Variants in LRP1B observed in about 807,000 individuals in gnomAD.
LRP1B encodes low-density lipoprotein receptor-related protein 1B.
LRP1B carries 217 observed loss-of-function variants against 556.6 expected under a neutral mutation model. The observed-to-expected ratio is 0.39, with a 90% CI of 0.35 to 0.44. LRP1B has a LOEUF of 0.44. LRP1B is among the 20% of genes least tolerant of loss of function. LRP1B has a pLI of 1.00. For missense variants in LRP1B, 5,053 were observed against 5,620.8 expected (o/e 0.90, Z 3.23); for synonymous variants, 2,047 against 1,865.8 (o/e 1.10, Z -2.50).
At chr2:141,542,550 T>C (rs1169549687) in intron 2 of LRP1B, among the ~76,000 whole-genome samples, 2 of 152,066 alleles carry the variant, frequency 1.3e-5, no homozygotes, top group African/African-American at 4.8e-5. Context: ...ACTTCTGATA[T>C]AGAAGGTTGT....
chr2:141,610,686 A>G (rs1290092921), intron 2 of LRP1B, among the ~76,000 whole-genome samples: 1 of 152,172 alleles, frequency 6.6e-6, no homozygotes, highest in Non-Finnish European at 1.5e-5. Context: ...GGAATTCCAC[A>G]AAGTCAGGCA....
At chr2:141,712,620 T>G (rs1263136628) in intron 2 of LRP1B, among the ~76,000 whole-genome samples, 1 of 152,066 alleles carries the variant, frequency 6.6e-6, no homozygotes, top group Non-Finnish European at 1.5e-5. Flanking sequence ...CAGAGTTGTT[T>G]TCACATACTG....
At chr2:142,081,868 T>G (rs2104932340) in intron 1 of LRP1B, among the ~76,000 whole-genome samples, 1 of 152,282 alleles carries the variant, frequency 6.6e-6, no homozygotes, top group East Asian at 1.9e-4. Context: ...TATAACTATT[T>G]TGTGAGTTGG....
chr2:140,715,780 C>A (rs1459634140), intron 37 of LRP1B, among the ~76,000 whole-genome samples, 193 bp downstream of exon 37: 1 of 152,032 alleles, frequency 6.6e-6, no homozygotes, highest in Non-Finnish European at 1.5e-5. Flanking sequence ...TAAAATAAAT[C>A]TGTAATAAAT....
chr2:140,399,246 C>T (rs528144034), intron 66 of LRP1B, among the ~76,000 whole-genome samples: 1 of 151,576 alleles, frequency 6.6e-6, no homozygotes, highest in Non-Finnish European at 1.5e-5. Flanking sequence ...TAAATTTTCT[C>T]ATTAAAATAC....
intron 2 of LRP1B, among the ~76,000 whole-genome samples, chr2:141,557,608 T>C (rs962252417): frequency 6.6e-6 from 1 of 151,904 alleles, no homozygotes; most frequent in African/African-American, 2.4e-5. Flanking sequence ...CATTCATTCA[T>C]GGGCTGGAAC....
At chr2:140,657,602 T>C (rs1031604848) in intron 41 of LRP1B, among the ~76,000 whole-genome samples, 3 of 139,518 alleles carry the variant, frequency 2.2e-5, no homozygotes, top group Middle Eastern at 3.6e-3. Context: ...TACATATATA[T>C]ACATATATAT....
chr2:141,571,095 C>G (rs1686511681), intron 2 of LRP1B, among the ~76,000 whole-genome samples: 1 of 151,262 alleles, frequency 6.6e-6, no homozygotes, highest in Admixed American at 6.6e-5. Flanking sequence ...CTGTGCCACC[C>G]AACTGGGTGA....
At chr2:140,552,226 T>C (rs13004298) in intron 43 of LRP1B, among the ~76,000 whole-genome samples, 66,749 of 151,934 alleles carry the variant, frequency 0.44, 15,414 homozygotes, top group East Asian at 0.58. Flanking sequence ...ACTAATGAAA[T>C]AGACCATCAA....
chr2:140,527,545 G>GATGATTAGA (rs1335321163), intron 47 of LRP1B, among the ~76,000 whole-genome samples: 6 of 151,822 alleles, frequency 4.0e-5, no homozygotes, highest in African/African-American at 1.4e-4. Context: ...CTGTTTAAAT[G>GATGATTAGA]ATGATTAGAA....
intron 20 of LRP1B, among the ~76,000 whole-genome samples, chr2:140,929,634 C>T (rs567048032): frequency 5.7e-4 from 86 of 151,964 alleles, no homozygotes; most frequent in African/African-American, 2.0e-3. Context: ...GATCACTTTG[C>T]GACTATTTAA....
At chr2:140,272,612 TG>T (rs1682512483) in intron 85 of LRP1B, among the ~76,000 whole-genome samples, 1 of 151,942 alleles carries the variant, frequency 6.6e-6, no homozygotes, top group African/African-American at 2.4e-5. Flanking sequence ...TAAGTAAAAA[TG>T]ATTAACTTTA....
intron 27 of LRP1B, among the ~76,000 whole-genome samples, chr2:140,862,342 A>C (rs1003966686): frequency 1.3e-5 from 2 of 152,218 alleles, no homozygotes; most frequent in African/African-American, 4.8e-5. Flanking sequence ...GTGTCCAGAA[A>C]TTAAGTTTTA....
chr2:141,387,509 G>T (rs964344319), intron 3 of LRP1B, among the ~76,000 whole-genome samples: 2 of 152,104 alleles, frequency 1.3e-5, no homozygotes, highest in Admixed American at 6.5e-5. Context: ...AGAAATAAGA[G>T]TATTATAAGA....
At chr2:141,969,064 T>C (rs909281410) in intron 1 of LRP1B, among the ~76,000 whole-genome samples, 2 of 151,490 alleles carry the variant, frequency 1.3e-5, no homozygotes, top group African/African-American at 4.8e-5. Flanking sequence ...ATCCCTATCC[T>C]GGCTTGGCAA....
intron 49 of LRP1B, among the ~76,000 whole-genome samples, chr2:140,520,809 A>AAG (rs1330999224): frequency 6.7e-6 from 1 of 149,902 alleles, no homozygotes; most frequent in African/African-American, 2.4e-5. Context: ...AAAAAAAAAA[A>AAG]AAAAAGAAAA....
intron 35 of LRP1B, among the ~76,000 whole-genome samples, chr2:140,748,995 G>T (rs755511903): frequency 6.6e-6 from 1 of 151,230 alleles, no homozygotes; most frequent in African/African-American, 2.4e-5. Flanking sequence ...AGGTTATATG[G>T]TACACAGCCT....
At chr2:141,409,589 G>GACATACATACATAC in intron 3 of LRP1B, among the ~76,000 whole-genome samples, 1 of 152,136 alleles carries the variant, frequency 6.6e-6, no homozygotes, top group Admixed American at 6.5e-5. Context: ...CTACTATGTG[G>GACATACATACATAC]AAAATATGTA....
chr2:141,638,896 C>CGTGTGTGT (rs143805584), intron 2 of LRP1B, among the ~76,000 whole-genome samples: 4 of 57,626 alleles, frequency 6.9e-5, no homozygotes, highest in African/African-American at 2.3e-4. Context: ...TGTGTATGTG[C>CGTGTGTGT]GTGTGTGTGT....
Sources: allele counts gnomAD v4.1 joint callset (sites outside exome capture counted in the v4.1 genomes callset), GRCh38; gene constraint gnomAD v4.1.1; transcripts MANE v1.5; gene names NCBI Gene and HGNC (gene_info 2026-07-23, HGNC 2026-07-21).